IQSEC1: variants seen among roughly 807,000 people sequenced by gnomAD.
The protein encoded by IQSEC1 is IQ motif and SEC7 domain-containing protein 1.
A neutral mutation model predicts 91.0 loss-of-function variants in IQSEC1; 31 were observed. The observed-to-expected ratio is 0.34, with a 90% confidence interval of 0.26 to 0.46. The LOEUF (loss-of-function observed/expected upper bound fraction) is 0.46, where lower values mean the gene tolerates loss of function less well. Ranked by LOEUF, IQSEC1 falls within the 20% of genes least tolerant of loss-of-function variation. The pLI is 1.00. For missense variants in IQSEC1, 1,388 were observed against 1,575.6 expected, an observed-to-expected ratio of 0.88 and a Z score of 2.02; for synonymous variants, 699 against 662.6, an observed-to-expected ratio of 1.05 and a Z score of -0.84.
At chr3:12,915,989 A>G (rs1054635483) in intron 6 of IQSEC1, among the ~76,000 whole-genome samples, 6 of 152,196 alleles carry the variant, frequency 3.9e-5, no homozygotes, top group Admixed American at 3.3e-4. Flanking sequence ...AGCCATTTTC[A>G]GAGGGCTTTA....
chr3:13,037,059 G>C (rs1037697133), intron 1 of IQSEC1, among the ~76,000 whole-genome samples: 1 of 152,142 alleles, frequency 6.6e-6, no homozygotes, highest in African/African-American at 2.4e-5. Flanking sequence ...CTGGGGCTGC[G>C]TCAAGCTACA....
Position 13,166,481 on chromosome 3 carries a change from C to G in IQSEC1, c.273-2348G>C, listed in dbSNP as rs558519101. ...CACTGACCCTGAGCCATCAGAGTCT[C>G]CTGGGTCCCAGGCCCAGCTTCATCC... On this transcript the variant is annotated intron_variant, in intron 1 of 15. Transcript: ENST00000648114. Among the ~76,000 whole-genome samples, 4 of 152,358 alleles carry G rather than the reference C, an allele frequency of 2.6e-5. 1 individual carries two copies. Among genetic ancestry groups the G allele is most frequent in the African/African-American group, 9.6e-5 (4 of 41,582 alleles).
At chr3:13,009,186 A>G (rs13084006) in intron 1 of IQSEC1, among the ~76,000 whole-genome samples, 9,176 of 152,264 alleles carry the variant, frequency 0.06, 538 homozygotes, top group East Asian at 0.22. Context: ...TATTTTACAG[A>G]TGTCAAACTG....
At chr3:13,145,011 A>G (rs1278748421) in intron 2 of IQSEC1, among the ~76,000 whole-genome samples, 2 of 152,142 alleles carry the variant, frequency 1.3e-5, no homozygotes, top group Admixed American at 1.3e-4. Flanking sequence ...GTGTTCACAG[A>G]CCCAAAACAG....
intron 1 of IQSEC1, among the ~76,000 whole-genome samples, chr3:13,182,334 T>C (rs934522928): frequency 1.3e-5 from 2 of 152,230 alleles, no homozygotes; most frequent in South Asian, 2.1e-4. Flanking sequence ...GACATGTAAT[T>C]AATCCATTCT....
In IQSEC1 at chr3:13,005,893, G is replaced by A. The variant is rs184329537; in HGVS notation, c.24-64028C>T. 1.6e-3 allele frequency among the ~76,000 whole-genome samples: 250 copies of A among 152,306 alleles called. 1 individual carries two copies. The highest frequency in any genetic ancestry group is 5.9e-3 in the African/African-American group (244 of 41,538). On this transcript the variant is annotated intron_variant, in intron 1 of 13. Transcript: ENST00000613206. ...TCAGCTCCCTCCCTGGTCCGGTCCAGGCATCTGCACACATCACAGCACACA... is the reference window on the plus strand; with the variant it reads ...TCAGCTCCCTCCCTGGTCCGGTCCAAGCATCTGCACACATCACAGCACACA...
At chr3:13,058,981 T>TG (rs960387541) in intron 1 of IQSEC1, among the ~76,000 whole-genome samples, 15 of 151,802 alleles carry the variant, frequency 9.9e-5, no homozygotes, top group African/African-American at 1.7e-4. Context: ...AGGAGGTGGA[T>TG]GGGGGGGTAG....
intron 2 of IQSEC1, among the ~76,000 whole-genome samples, chr3:13,150,889 GTC>G (rs1706986529): frequency 1.3e-5 from 2 of 152,216 alleles, no homozygotes; most frequent in Non-Finnish European, 1.5e-5. Context: ...AGAAATTTGT[GTC>G]TCTGGCATTT....
chr3:13,096,795 G>A (rs1053915107), intron 2 of IQSEC1, among the ~76,000 whole-genome samples: 2 of 151,850 alleles, frequency 1.3e-5, no homozygotes, highest in African/African-American at 2.4e-5. Context: ...CTGGGCCTTC[G>A]ACAGACAACC....
chr3:12,910,781 G>A (rs1047558787), intron 10 of IQSEC1, among the ~76,000 whole-genome samples: 6 of 152,224 alleles, frequency 3.9e-5, no homozygotes, highest in Non-Finnish European at 5.9e-5. Flanking sequence ...GTTCTAATCC[G>A]CAGATGGAAG....
At position 13,260,682 on chromosome 3, in the gene IQSEC1, G is replaced by A. The variant is rs537857819; in HGVS notation, c.272+22029C>T. 2.6e-5 allele frequency among the ~76,000 whole-genome samples: 4 copies of A among 152,328 alleles called. No homozygotes were observed. In the East Asian group the frequency reaches 7.7e-4, roughly 29 times the overall value. ...ACTCCAGCTCTGTGCCAGACACTAT[G>A]CAGGGACTGAGGACACAGAGACCAC... On this transcript the variant is annotated intron_variant, in intron 1 of 15. Transcript: ENST00000648114.
chr3:13,240,247 T>C (rs1694998499), intron 1 of IQSEC1, among the ~76,000 whole-genome samples: 1 of 151,660 alleles, frequency 6.6e-6, no homozygotes, highest in African/African-American at 2.4e-5. Flanking sequence ...ATTAGCCAGG[T>C]GAGGTGGTAT....
chr3:12,989,488 G>A (rs1043781686), intron 1 of IQSEC1, among the ~76,000 whole-genome samples: 1 of 152,214 alleles, frequency 6.6e-6, no homozygotes, highest in Non-Finnish European at 1.5e-5. Flanking sequence ...GGAGAAAACA[G>A]GGAGGCCTAG....
intron 1 of IQSEC1, among the ~76,000 whole-genome samples, chr3:13,181,479 C>A (rs1693844076): frequency 6.6e-6 from 1 of 152,210 alleles, no homozygotes; most frequent in South Asian, 2.1e-4. Context: ...CCACATGACA[C>A]CAGAATATAC....
At chr3:13,096,401 C>T (rs926446160) in intron 2 of IQSEC1, among the ~76,000 whole-genome samples, 1 of 152,202 alleles carries the variant, frequency 6.6e-6, no homozygotes, top group African/African-American at 2.4e-5. Context: ...ATTCACTCAA[C>T]AAAATTTACT....
At chr3:13,231,268 CGTGT>C (rs374429929) in intron 1 of IQSEC1, among the ~76,000 whole-genome samples, 33 of 152,188 alleles carry the variant, frequency 2.2e-4, no homozygotes, top group South Asian at 4.1e-4. Context: ...AAGTCCCGTG[CGTGT>C]GTGTGTCTGT....
At chr3:12,972,701 GGAT>G (rs1700964508) in intron 1 of IQSEC1, among the ~76,000 whole-genome samples, 1 of 152,180 alleles carries the variant, frequency 6.6e-6, no homozygotes, top group African/African-American at 2.4e-5. Context: ...AGAGGTGGAG[GGAT>G]GTGCCCCAGA....
intron 1 of IQSEC1, among the ~76,000 whole-genome samples, chr3:13,064,879 G>A (rs1705183529): frequency 6.6e-6 from 1 of 152,264 alleles, no homozygotes; most frequent in Non-Finnish European, 1.5e-5. Context: ...AGCTCTGCCT[G>A]AATCTGGGGC....
intron 1 of IQSEC1, among the ~76,000 whole-genome samples, chr3:13,070,272 C>A (rs1260471950): frequency 1.3e-5 from 2 of 152,214 alleles, no homozygotes; most frequent in South Asian, 2.1e-4. Flanking sequence ...AAGTTCCTTC[C>A]CCTCTCTGAG....
Sources: gnomAD v4.1 joint callset for allele counts (sites outside exome capture counted in the v4.1 genomes callset) on GRCh38, gnomAD v4.1.1 for gene constraint, MANE v1.5 for transcripts, NCBI Gene and HGNC (gene_info 2026-07-23, HGNC 2026-07-21) for gene names.